Variants in LVRN observed in about 807,000 individuals in gnomAD.
LVRN encodes the protein laeverin, also known as aminopeptidase Q.
Under a neutral mutation model 111.4 loss-of-function variants are expected in LVRN, and 99 were observed. The observed-to-expected ratio is 0.89, with a 90% CI of 0.76 to 1.05. LVRN has a LOEUF of 1.05. Among genes scored for constraint, LVRN ranks in the 50% least tolerant of loss-of-function variants. LVRN has a pLI of 0.00. For synonymous variants in LVRN, 488 were observed against 449.5 expected (o/e 1.09, Z -1.08); for missense variants, 1,414 against 1,206.8 (o/e 1.17, Z -2.54).
intron 6 of LVRN, among the ~76,000 whole-genome samples, chr5:115,998,686 G>T (rs898586352): frequency 2.6e-5 from 4 of 152,136 alleles, no homozygotes; most frequent in Admixed American, 6.5e-5. Flanking sequence ...TAAACTAGCA[G>T]CATCAGCATC....
chr5:116,026,963 G>A lies in LVRN; in HGVS notation c.*845G>A, dbSNP rs1260770828. On this transcript the variant is annotated 3_prime_UTR_variant, in exon 20 of 20. Transcript: ENST00000357872. ...ATAGCAAGTATAGGCTACTATTTAG[G>A]GCAAAAGGAATCTTGAAATGAAAGA... is the stretch of plus-strand genomic sequence containing the variant. 1.3e-5 allele frequency: 2 copies of A among 152,128 alleles called. No homozygotes were observed. Among genetic ancestry groups the A allele is most frequent in the African/African-American group, 4.8e-5 (2 of 41,416 alleles). 9.4% of individuals were successfully genotyped at this position (152,128 alleles called of 1,614,324 possible).
intron 2 of LVRN, 22 bp from the exon 3 acceptor site, chr5:115,984,548 G>T: frequency 6.2e-7 from 1 of 1,611,524 alleles, no homozygotes; most frequent in East Asian, 2.2e-5. Context: ...GCTGTGATTT[G>T]AACTAAAATA....
In LVRN at chr5:115,993,822, G is replaced by A; in HGVS notation, c.1342G>A (p.Val448Ile). 2 of 1,606,952 alleles carry A rather than the reference G, an allele frequency of 1.2e-6. No homozygotes were observed. Among genetic ancestry groups the A allele is most frequent in the South Asian group, 1.1e-5 (1 of 89,318 alleles). The stretch of plus-strand genomic sequence containing the variant: ...TTTTGCATCTTATTTTGAGTTTGAA[G>A]TAATTAACTACTTTAATCCTAAACT... Reference protein sequence around the residue: ...EGFASYFEFEVINYFNPKLPR... With the variant: ...EGFASYFEFEIINYFNPKLPR... Residue 448 changes from valine to isoleucine, a missense_variant, in exon 6 of 20, where the codon GTA becomes ATA. Physicochemically the swap from Val to Ile is conservative, Grantham distance 29 (BLOSUM62 3). Transcript: ENST00000357872.
intron 1 of LVRN, among the ~76,000 whole-genome samples, chr5:115,978,720 C>T (rs1187570458): frequency 6.6e-6 from 1 of 152,168 alleles, no homozygotes; most frequent in African/African-American, 2.4e-5. Context: ...CATTAAGGTA[C>T]AGGGTGGTAG....
intron 4 of LVRN, among the ~76,000 whole-genome samples, chr5:115,991,298 G>C (rs890820945): frequency 1.3e-5 from 2 of 152,154 alleles, no homozygotes; most frequent in African/African-American, 4.8e-5. Flanking sequence ...GAATTGCATA[G>C]TATGTAGCTT....
intron 4 of LVRN, among the ~76,000 whole-genome samples, chr5:115,988,524 C>G (rs1747918073): frequency 6.6e-6 from 1 of 152,162 alleles, no homozygotes; most frequent in African/African-American, 2.4e-5. Flanking sequence ...CCACTCAGCT[C>G]AGAAAGTTGT....
chr5:116,027,096 G>A lies in LVRN; in HGVS notation c.*978G>A, dbSNP rs1748882927. The A allele has an allele frequency of 6.6e-6, 1 of 152,112 alleles. No individual in the cohort carries two copies. Among genetic ancestry groups the A allele is most frequent in the Non-Finnish European group, 1.5e-5 (1 of 68,022 alleles). 9.4% of individuals were successfully genotyped at this position (152,112 alleles called of 1,614,324 possible). ...CCAAATTGAACCTACTTGTAATGTG[G>A]ACCAACTTACTTTACACATTTTCAT... On this transcript the variant is annotated 3_prime_UTR_variant, in exon 20 of 20. Coordinates refer to ENST00000357872, the MANE Select transcript of LVRN (RefSeq NM_173800.5).
chr5:116,010,475 C>T (rs546514264), intron 13 of LVRN: 1 of 508,444 alleles, frequency 2.0e-6, no homozygotes, highest in East Asian at 5.0e-5. Context: ...TCTTCTATTT[C>T]CTAATAATCA....
intron 18 of LVRN, among the ~76,000 whole-genome samples, chr5:116,017,464 A>G (rs1164396563): frequency 6.6e-6 from 1 of 152,210 alleles, no homozygotes; most frequent in Non-Finnish European, 1.5e-5. Flanking sequence ...ACTTAACTAG[A>G]GCAGTGTAGC....
At chr5:116,023,230 A>G (rs1210043715) in intron 19 of LVRN, 1 of 152,212 alleles carries the variant, frequency 6.6e-6, no homozygotes, top group African/African-American at 2.4e-5. Flanking sequence ...ACTGGTAAAT[A>G]TGTCTACCCC....
rs199807453 is a variant in LVRN, at chr5:115,963,981, G to GC, written c.695+670dup. On this transcript the variant is annotated intron_variant, in intron 1 of 19. Coordinates refer to ENST00000357872, the MANE Select transcript of LVRN (RefSeq NM_173800.5). ...CCCTCAAAGGTTGGTCCTTGGGCCA[G>GC]CAGCAGCTGTAACCTGGGCGCTTGT... 4.3e-3 allele frequency among the ~76,000 whole-genome samples: 656 copies of GC among 152,286 alleles called. 12 individuals carry two copies. Among genetic ancestry groups the GC allele is most frequent in the African/African-American group, 0.015 (628 of 41,552 alleles).
Position 115,987,815 on chromosome 5 carries a change from A to C in LVRN, c.981A>C (p.Ile327=). 6.2e-7 allele frequency: 1 copy of C among 1,611,062 alleles called. No homozygotes were observed. Residue 327 remains isoleucine, a splice_region_variant and synonymous_variant, in exon 4 of 20, where the codon ATA becomes ATC. Coordinates refer to ENST00000357872, the MANE Select transcript of LVRN (RefSeq NM_173800.5). ...ACTGCTTAACTGTTTTGATTTAGATACGCATCTGGGCCCGGAAAGATGCAA... is the reference window on the plus strand; with the variant it reads ...ACTGCTTAACTGTTTTGATTTAGATCCGCATCTGGGCCCGGAAAGATGCAA... The part of the protein sequence containing the change: ...HVNRTERGKE[I]RIWARKDAIA...
intron 14 of LVRN, 116 bp from the exon 15 acceptor site, chr5:116,012,258 G>A (rs1748505894): frequency 1.6e-6 from 1 of 631,136 alleles, no homozygotes. Flanking sequence ...GGTAATTTCT[G>A]AAGAAATATC....
chr5:115,969,761 C>G (rs1343822536), intron 1 of LVRN, among the ~76,000 whole-genome samples: 1 of 142,646 alleles, frequency 7.0e-6, no homozygotes, highest in Non-Finnish European at 1.5e-5. Context: ...GATCGTGCCA[C>G]TGCACTCCAG....
intron 2 of LVRN, 113 bp downstream of exon 2, chr5:115,983,542 T>C (rs1747768591): frequency 8.4e-7 from 1 of 1,190,080 alleles, no homozygotes; most frequent in Non-Finnish European, 1.1e-6. Flanking sequence ...AATTACAGTC[T>C]ACTATAATTA....
At chr5:115,975,032 T>C in intron 1 of LVRN, 1 of 342,980 alleles carries the variant, frequency 2.9e-6, no homozygotes, top group South Asian at 2.6e-5. Flanking sequence ...ATAAATTCAT[T>C]TTTCTTCCTC....
At chr5:116,002,730 A>C in intron 10 of LVRN, 105 bp from the exon 11 acceptor site, 1 of 808,826 alleles carries the variant, frequency 1.2e-6, no homozygotes. Context: ...GAATGACCAA[A>C]GAAACTGAGT....
chr5:115,992,375 A>G (rs1454390228), intron 5 of LVRN, 98 bp downstream of exon 5: 4 of 1,333,978 alleles, frequency 3.0e-6, no homozygotes, highest in East Asian at 2.3e-5. Context: ...GCCATATACC[A>G]TATTTTAAAA....
At chr5:115,991,531 A>G (rs1274810770) in intron 4 of LVRN, among the ~76,000 whole-genome samples, 2 of 152,208 alleles carry the variant, frequency 1.3e-5, no homozygotes, top group African/African-American at 4.8e-5. Flanking sequence ...TTGGGTGGGC[A>G]TAAGATTTCT....
Sources: allele counts gnomAD v4.1 joint callset (sites outside exome capture counted in the v4.1 genomes callset), GRCh38; gene constraint gnomAD v4.1.1; transcripts MANE v1.5; gene names NCBI Gene and HGNC (gene_info 2026-07-23, HGNC 2026-07-21).